CFAP20DC: variants seen among roughly 807,000 people sequenced by gnomAD.
CFAP20DC encodes CFAP20 domain containing.
A neutral mutation model predicts 101.7 loss-of-function variants in CFAP20DC; 84 were observed. The observed-to-expected ratio is 0.83, with a 90% CI of 0.69 to 0.99. The LOEUF (loss-of-function observed/expected upper bound fraction) is 0.99. Ranked by LOEUF, CFAP20DC falls within the 50% of genes least tolerant of loss-of-function variation. CFAP20DC has a pLI of 0.00. For missense variants in CFAP20DC, 1,007 were observed against 970.3 expected, an observed-to-expected ratio of 1.04 and a Z score of -0.50; for synonymous variants, 359 against 351.2, an observed-to-expected ratio of 1.02 and a Z score of -0.25.
intron 15 of CFAP20DC, among the ~76,000 whole-genome samples, chr3:58,798,788 C>CG (rs2073445846): frequency 6.6e-6 from 1 of 152,210 alleles, no homozygotes; most frequent in African/African-American, 2.4e-5. Flanking sequence ...GATCATTCAG[C>CG]AGCCATCAAC....
At chr3:58,906,422 C>T (rs1441686532) in intron 6 of CFAP20DC, among the ~76,000 whole-genome samples, 2 of 152,172 alleles carry the variant, frequency 1.3e-5, no homozygotes, top group Non-Finnish European at 2.9e-5. Flanking sequence ...AGCTCTACAT[C>T]TTTATGTCAA....
At position 58,964,753 on chromosome 3, in the gene CFAP20DC, CG is replaced by C. The variant is rs2091411451; in HGVS notation, c.279-26992del. The stretch of plus-strand genomic sequence containing the variant: ...ATGACAAAATATTTCTAACCTAAAA[CG>C]GAACCATAATTAACATAGCTCCTAT... On this transcript the variant is annotated intron_variant, in intron 4 of 16. Transcript: ENST00000482387. The surrounding 1 kb of genome is among the most constrained non-coding windows in gnomAD (Gnocchi z 4.1). 6.6e-6 allele frequency among the ~76,000 whole-genome samples: 1 copy of C among 152,084 alleles called. No homozygotes were observed. The highest frequency in any genetic ancestry group is 2.4e-5 in the African/African-American group (1 of 41,404).
At chr3:58,833,727 C>G (rs1485039718) in intron 13 of CFAP20DC, among the ~76,000 whole-genome samples, 2 of 152,126 alleles carry the variant, frequency 1.3e-5, no homozygotes, top group Non-Finnish European at 2.9e-5. Context: ...TAAGCATATA[C>G]CAAGAAAACT....
At chr3:58,974,648 G>A (rs574936598) in intron 4 of CFAP20DC, among the ~76,000 whole-genome samples, 70 of 152,106 alleles carry the variant, frequency 4.6e-4, no homozygotes, top group Admixed American at 1.2e-3. Context: ...TTAAATGCCC[G>A]TCCCATCCCA....
chr3:58,842,507 G>T (rs908644321), intron 13 of CFAP20DC, among the ~76,000 whole-genome samples: 1 of 152,118 alleles, frequency 6.6e-6, no homozygotes, highest in Non-Finnish European at 1.5e-5. Context: ...CTGGCTCGGA[G>T]GGTCCTACGC....
At chr3:58,947,100 C>G (rs1318135031) in intron 4 of CFAP20DC, among the ~76,000 whole-genome samples, 1 of 152,178 alleles carries the variant, frequency 6.6e-6, no homozygotes, top group Admixed American at 6.5e-5. Context: ...ATTTACAAGT[C>G]TATCTGACAA....
chr3:59,044,328 T>C (rs1018795885), intron 3 of CFAP20DC, among the ~76,000 whole-genome samples: 1 of 152,082 alleles, frequency 6.6e-6, no homozygotes, highest in African/African-American at 2.4e-5. Context: ...TTTACACAAG[T>C]AAAAATAGCT....
chr3:58,789,365 T>G (rs1315400158), intron 15 of CFAP20DC, among the ~76,000 whole-genome samples: 1 of 152,158 alleles, frequency 6.6e-6, no homozygotes, highest in African/African-American at 2.4e-5. Flanking sequence ...TTAATTTAGC[T>G]CTCTGGGCTT....
intron 6 of CFAP20DC, among the ~76,000 whole-genome samples, chr3:58,885,783 G>A (rs1347712989): frequency 1.3e-5 from 2 of 151,730 alleles, no homozygotes; most frequent in Non-Finnish European, 2.9e-5. Flanking sequence ...GCAAATGACA[G>A]GATTTCATTC....
Position 58,825,800 on chromosome 3 carries a change from T to C in CFAP20DC, c.2175+5886A>G, listed in dbSNP as rs536374200. On this transcript the variant is annotated intron_variant, in intron 14 of 16. Coordinates refer to ENST00000482387, the MANE Select transcript of CFAP20DC (RefSeq NM_001394063.1). ...TTCTAAGTTAGAAACTTTGAAAAAT[T>C]TGTCTGTCAAAGGCCAATGGATTTC... Among the ~76,000 whole-genome samples the C allele has an allele frequency of 1.4e-4, 21 of 152,328 alleles. No individual in the cohort carries two copies. In the South Asian group the frequency reaches 3.3e-3, roughly 24 times the overall value.
intron 5 of CFAP20DC, among the ~76,000 whole-genome samples, chr3:58,930,476 C>G (rs963399679): frequency 6.6e-6 from 1 of 152,160 alleles, no homozygotes; most frequent in African/African-American, 2.4e-5. Context: ...TGATTTTAGA[C>G]GGTACATGGG....
At chr3:58,720,940 A>G (rs2067464531) in intron 3 of CFAP20DC, among the ~76,000 whole-genome samples, 1 of 152,212 alleles carries the variant, frequency 6.6e-6, no homozygotes, top group Non-Finnish European at 1.5e-5. Flanking sequence ...GTGTGTCCAC[A>G]TGCTTGCTTG....
intron 14 of CFAP20DC, among the ~76,000 whole-genome samples, chr3:58,816,387 A>G (rs887237482): frequency 2.6e-5 from 4 of 152,198 alleles, no homozygotes; most frequent in African/African-American, 4.8e-5. Flanking sequence ...TACCGGGTTT[A>G]TCTCACTAGG....
At chr3:58,988,095 A>G (rs2092811809) in intron 4 of CFAP20DC, among the ~76,000 whole-genome samples, 2 of 152,142 alleles carry the variant, frequency 1.3e-5, no homozygotes, top group Non-Finnish European at 1.5e-5. Context: ...AAAATACCAT[A>G]TTTGATGACC....
At position 58,861,580 on chromosome 3, in the gene CFAP20DC, T is replaced by C; in HGVS notation, c.1593+1978A>G. 5.1e-6 allele frequency: 5 copies of C among 985,144 alleles called. No homozygotes were observed. The highest frequency in any genetic ancestry group is 6.0e-6 in the Non-Finnish European group (5 of 829,622). 61.0% of individuals were successfully genotyped at this position (985,144 alleles called of 1,614,324 possible). On this transcript the variant is annotated intron_variant, in intron 12 of 16. Transcript: ENST00000482387. This position sits in a 1 kb window ranked among gnomAD's most constrained non-coding sequence, Gnocchi z 4.0. Reference sequence around the variant, plus strand: ...TTTGTTAAGAAGGTATCATTACACATGCTAAAACTTGTTTAAATATAGCCT... The same window carrying C: ...TTTGTTAAGAAGGTATCATTACACACGCTAAAACTTGTTTAAATATAGCCT...
intron 6 of CFAP20DC, among the ~76,000 whole-genome samples, chr3:58,891,848 A>G (rs1341798467): frequency 1.3e-5 from 2 of 152,224 alleles, no homozygotes; most frequent in East Asian, 1.9e-4. Flanking sequence ...TTTTGTTGCA[A>G]TTGCTTTTGG....
intron 13 of CFAP20DC, among the ~76,000 whole-genome samples, chr3:58,838,962 TTAAGA>T (rs2076921093): frequency 6.6e-6 from 1 of 152,174 alleles, no homozygotes; most frequent in African/African-American, 2.4e-5. Context: ...AAATGGTAGT[TTAAGA>T]TATTATTTAA....
At chr3:58,837,036 G>T (rs2076785929) in intron 13 of CFAP20DC, among the ~76,000 whole-genome samples, 1 of 152,074 alleles carries the variant, frequency 6.6e-6, no homozygotes, top group African/African-American at 2.4e-5. Flanking sequence ...GGGCAACCTG[G>T]AAGTAGGGAG....
chr3:58,778,155 G>A (rs1350368994), intron 15 of CFAP20DC, among the ~76,000 whole-genome samples: 1 of 152,134 alleles, frequency 6.6e-6, no homozygotes. Context: ...CTCAGTAGAA[G>A]GACCAAAGTG....
Sources: gnomAD v4.1 joint callset for allele counts (sites outside exome capture counted in the v4.1 genomes callset) on GRCh38, gnomAD v4.1.1 for gene constraint, Gnocchi (gnomAD v3.1) non-coding constraint, MANE v1.5 for transcripts, NCBI Gene and HGNC (gene_info 2026-07-23, HGNC 2026-07-21) for gene names.